PDE11A: variants seen among roughly 807,000 people sequenced by gnomAD.
PDE11A encodes dual 3',5'-cyclic-AMP and -GMP phosphodiesterase 11A.
A neutral mutation model predicts 100.5 loss-of-function variants in PDE11A; 100 were observed. That is an observed-to-expected ratio of 1.00 (90% confidence interval 0.85 to 1.18). The LOEUF (loss-of-function observed/expected upper bound fraction) is 1.18, where lower values mean the gene tolerates loss of function less well. PDE11A is among the 50% of genes most tolerant of loss of function. The probability of loss-of-function intolerance (pLI) is 0.00; values close to 1 mark genes in which losing one functional copy is unlikely to be tolerated. For missense variants in PDE11A, 1,141 were observed against 1,152.6 expected, an observed-to-expected ratio of 0.99 and a Z score of 0.15; for synonymous variants, 381 against 420.8, an observed-to-expected ratio of 0.91 and a Z score of 1.16.
chr2:177,660,513 A>T (rs1254975085), intron 19 of PDE11A, among the ~76,000 whole-genome samples: 1 of 152,196 alleles, frequency 6.6e-6, no homozygotes, highest in Admixed American at 6.5e-5. Context: ...CTTTCTGTCA[A>T]TCTCAAGATT....
intron 12 of PDE11A, among the ~76,000 whole-genome samples, chr2:177,716,346 G>A (rs1267997166): frequency 1.3e-5 from 2 of 152,026 alleles, no homozygotes; most frequent in East Asian, 1.9e-4. Flanking sequence ...CCTGAGTCTC[G>A]TTAGGTGCTG....
At chr2:178,044,660 T>C (rs777911524) in intron 1 of PDE11A, among the ~76,000 whole-genome samples, 1 of 152,104 alleles carries the variant, frequency 6.6e-6, no homozygotes, top group South Asian at 2.1e-4. Context: ...TCCCTCAGAC[T>C]GTTTCTTTAC....
At chr2:177,807,020 A>G (rs2082882547) in intron 9 of PDE11A, among the ~76,000 whole-genome samples, 1 of 152,156 alleles carries the variant, frequency 6.6e-6, no homozygotes, top group African/African-American at 2.4e-5. Context: ...TTAGCCAAGT[A>G]TTTTCTGAAA....
chr2:177,712,931 T>G (rs2081377576), intron 12 of PDE11A, among the ~76,000 whole-genome samples: 1 of 152,206 alleles, frequency 6.6e-6, no homozygotes, highest in African/African-American at 2.4e-5. Flanking sequence ...ACACTTCTCT[T>G]AGTAAAATGA....
At chr2:177,691,261 C>T (rs1475824244) in intron 15 of PDE11A, among the ~76,000 whole-genome samples, 1 of 152,166 alleles carries the variant, frequency 6.6e-6, no homozygotes, top group Non-Finnish European at 1.5e-5. Context: ...ACAGAATTTT[C>T]AACCCCTGGT....
chr2:178,054,888 A>C (rs2086878980), intron 1 of PDE11A, among the ~76,000 whole-genome samples: 1 of 152,232 alleles, frequency 6.6e-6, no homozygotes, highest in Admixed American at 6.5e-5. Flanking sequence ...GAACATTTTT[A>C]CACTGTTGGT....
chr2:178,053,081 A>G (rs2086849515), intron 1 of PDE11A, among the ~76,000 whole-genome samples: 3 of 152,208 alleles, frequency 2.0e-5, no homozygotes, highest in Admixed American at 2.0e-4. Flanking sequence ...TTTTAGACCA[A>G]TATCCCTGGT....
At chr2:177,894,302 T>G (rs2105722662) in intron 4 of PDE11A, among the ~76,000 whole-genome samples, 1 of 152,254 alleles carries the variant, frequency 6.6e-6, no homozygotes, top group African/African-American at 2.4e-5. Context: ...TACCCCAAAC[T>G]TCTCCCACCA....
intron 3 of PDE11A, 25 bp downstream of exon 3, chr2:177,905,073 G>A: frequency 8.0e-7 from 1 of 1,250,464 alleles, no homozygotes; most frequent in Non-Finnish European, 1.2e-6. Context: ...TTTGAGGAGT[G>A]TCAACAATGT....
chr2:177,781,477 G>C (rs2082452588), intron 9 of PDE11A, among the ~76,000 whole-genome samples: 4 of 149,836 alleles, frequency 2.7e-5, no homozygotes. Flanking sequence ...GCCCATCTTG[G>C]CTGAATTCTC....
intron 2 of PDE11A, among the ~76,000 whole-genome samples, chr2:178,101,931 C>T (rs1293218317): frequency 1.3e-5 from 2 of 151,996 alleles, no homozygotes; most frequent in Non-Finnish European, 2.9e-5. Context: ...AGTACTTTAT[C>T]AATTATGTAT....
At chr2:177,848,890 A>T (rs1282526372) in intron 5 of PDE11A, among the ~76,000 whole-genome samples, 1 of 152,234 alleles carries the variant, frequency 6.6e-6, no homozygotes, top group African/African-American at 2.4e-5. Context: ...GAAAATAAAA[A>T]GACTATCTTC....
chr2:177,729,284 T>C (rs559983240), intron 10 of PDE11A, among the ~76,000 whole-genome samples: 3 of 152,350 alleles, frequency 2.0e-5, no homozygotes, highest in East Asian at 3.9e-4. Flanking sequence ...AAAATGTTCA[T>C]ATGCTTTGGG....
intron 2 of PDE11A, among the ~76,000 whole-genome samples, chr2:177,964,179 T>G (rs962725746): frequency 1.3e-5 from 2 of 152,098 alleles, no homozygotes; most frequent in African/African-American, 4.8e-5. Context: ...AGACAGGGTC[T>G]TGCTCTGTCA....
chr2:178,023,563 C>T (rs139388352), intron 1 of PDE11A, among the ~76,000 whole-genome samples: 2 of 152,298 alleles, frequency 1.3e-5, no homozygotes, highest in Admixed American at 6.5e-5. Flanking sequence ...AAGCCAAGAA[C>T]TAATCTTGAC....
chr2:178,007,220 GT>G (rs2086222974), intron 2 of PDE11A, among the ~76,000 whole-genome samples: 2 of 152,130 alleles, frequency 1.3e-5, no homozygotes, highest in Admixed American at 1.3e-4. Flanking sequence ...AATGGTCTCT[GT>G]TTTCAATATA....
chr2:178,043,858 C>T (rs1301884729), intron 1 of PDE11A, among the ~76,000 whole-genome samples: 2 of 152,188 alleles, frequency 1.3e-5, no homozygotes, highest in African/African-American at 2.4e-5. Flanking sequence ...AGCCAGGATG[C>T]TAACTAAGAG....
chr2:177,654,020 C>A (rs531843933), intron 19 of PDE11A, among the ~76,000 whole-genome samples: 5 of 152,236 alleles, frequency 3.3e-5, no homozygotes, highest in African/African-American at 9.6e-5. Flanking sequence ...CACTTATTTT[C>A]TGTTTCCTTC....
At chr2:177,698,696 C>G (rs1337579067) in intron 14 of PDE11A, 1 of 152,182 alleles carries the variant, frequency 6.6e-6, no homozygotes, top group Non-Finnish European at 1.5e-5. Flanking sequence ...TCCTTAAAGA[C>G]TAGAGTATAT....
Sources: allele counts gnomAD v4.1 joint callset (sites outside exome capture counted in the v4.1 genomes callset), GRCh38; gene constraint gnomAD v4.1.1; transcripts MANE v1.5; gene names NCBI Gene and HGNC (gene_info 2026-07-23, HGNC 2026-07-21).